The following LRP1B variants were observed in gnomAD, a reference collection of about 807,000 sequenced individuals.
LRP1B encodes LDL receptor related protein 1B, also known as low-density lipoprotein receptor-related protein 1B.
Under a neutral mutation model 556.6 loss-of-function variants are expected in LRP1B, and 217 were observed. The observed-to-expected ratio is 0.39, with a 90% CI of 0.35 to 0.44. LRP1B has a LOEUF of 0.44. Among genes scored for constraint, LRP1B ranks in the 20% least tolerant of loss-of-function variants. LRP1B has a pLI of 1.00. For missense variants in LRP1B, 5,053 were observed against 5,620.8 expected (o/e 0.90, Z 3.23); for synonymous variants, 2,047 against 1,865.8 (o/e 1.10, Z -2.50).
At chr2:141,217,589 C>A (rs1028192051) in intron 6 of LRP1B, among the ~76,000 whole-genome samples, 2 of 152,068 alleles carry the variant, frequency 1.3e-5, no homozygotes, top group African/African-American at 4.8e-5. Context: ...AAAATTAACT[C>A]AAGATGGATT....
At chr2:140,690,975 A>C (rs1441211059) in intron 41 of LRP1B, among the ~76,000 whole-genome samples, 1 of 152,124 alleles carries the variant, frequency 6.6e-6, no homozygotes, top group Non-Finnish European at 1.5e-5. Flanking sequence ...GAAAAGCTAA[A>C]ATTTTTACAT....
At chr2:141,862,946 T>C (rs1042944803) in intron 1 of LRP1B, among the ~76,000 whole-genome samples, 2 of 152,168 alleles carry the variant, frequency 1.3e-5, no homozygotes, top group African/African-American at 4.8e-5. Flanking sequence ...ATAAGCTCTA[T>C]CTAATAGATG....
intron 3 of LRP1B, among the ~76,000 whole-genome samples, chr2:141,451,533 T>C (rs773433426): frequency 6.6e-5 from 10 of 152,186 alleles, no homozygotes; most frequent in South Asian, 6.2e-4. Context: ...GGATAATTCA[T>C]TGAAGAACAA....
intron 3 of LRP1B, among the ~76,000 whole-genome samples, chr2:141,460,809 TA>T (rs1559082162): frequency 6.6e-6 from 1 of 152,152 alleles, no homozygotes; most frequent in Non-Finnish European, 1.5e-5. Context: ...TGAATTTTTT[TA>T]AAGTCAGGGA....
intron 75 of LRP1B, among the ~76,000 whole-genome samples, chr2:140,353,290 A>C (rs939391476): frequency 1.5e-4 from 23 of 152,108 alleles, no homozygotes; most frequent in Non-Finnish European, 2.5e-4. Context: ...TGCTTTTATT[A>C]ATCCACTTAA....
chr2:141,475,014 T>G (rs1682644116), intron 3 of LRP1B, among the ~76,000 whole-genome samples: 1 of 152,226 alleles, frequency 6.6e-6, no homozygotes. Flanking sequence ...ACTTTCTATA[T>G]TCTTTTAACA....
chr2:141,674,385 A>G (rs879725085), intron 2 of LRP1B, among the ~76,000 whole-genome samples: 1 of 152,098 alleles, frequency 6.6e-6, no homozygotes, highest in Non-Finnish European at 1.5e-5. Context: ...AGTCACACAG[A>G]GCAACGTTTT....
intron 58 of LRP1B, 63 bp from the exon 59 acceptor site, chr2:140,485,587 C>T (rs1170818644): frequency 6.6e-6 from 8 of 1,205,070 alleles, no homozygotes; most frequent in Non-Finnish European, 9.3e-6. Flanking sequence ...TGAGCAATTG[C>T]TTCTTGATTT....
intron 35 of LRP1B, among the ~76,000 whole-genome samples, chr2:140,766,888 T>G (rs2104929222): frequency 6.9e-6 from 1 of 144,402 alleles, no homozygotes; most frequent in African/African-American, 2.6e-5. Flanking sequence ...ATATGATAAT[T>G]TCTACAATAT....
In LRP1B at chr2:142,031,330, A is replaced by ATTTTTTTTTTTTTTTTTTTTT. The variant is rs560363480; in HGVS notation, c.82+99317_82+99318insAAAAAAAAAAAAAAAAAAAAA. On this transcript the variant is annotated intron_variant, in intron 1 of 90. Transcript: ENST00000389484. Reference sequence around the variant, plus strand: ...ATTTAGAGAAAGGTTGATTATACTTATTTTTTTTTTTTTTTTTTATTATAC... The same window carrying ATTTTTTTTTTTTTTTTTTTTT: ...ATTTAGAGAAAGGTTGATTATACTTATTTTTTTTTTTTTTTTTTTTTTTTTTTTTTTTTTTTTTTATTATAC... Among the ~76,000 whole-genome samples, 15 of 117,038 alleles carry ATTTTTTTTTTTTTTTTTTTTT rather than the reference A, an allele frequency of 1.3e-4. 1 individual carries two copies. The highest frequency in any genetic ancestry group is 2.9e-4 in the African/African-American group (10 of 33,944). The allele number at this position is 117,038 out of a possible 152,430, so 76.8% of individuals were successfully genotyped here.
intron 11 of LRP1B, among the ~76,000 whole-genome samples, chr2:141,041,730 A>T (rs1411464473): frequency 6.6e-6 from 1 of 152,126 alleles, no homozygotes; most frequent in Non-Finnish European, 1.5e-5. Context: ...TACAAAGAAG[A>T]TTCTGAATGG....
chr2:141,738,725 A>T (rs989396389), intron 2 of LRP1B, among the ~76,000 whole-genome samples: 8 of 152,174 alleles, frequency 5.3e-5, no homozygotes, highest in African/African-American at 1.9e-4. Flanking sequence ...TTGTCGCTTG[A>T]TAAGCAGTCT....
intron 2 of LRP1B, among the ~76,000 whole-genome samples, chr2:141,693,361 G>A (rs538266796): frequency 3.9e-5 from 6 of 151,932 alleles, no homozygotes; most frequent in South Asian, 4.2e-4. Context: ...GGGCATCTCC[G>A]GGAGTAAGAT....
chr2:141,893,924 T>TTTTTC (rs1214628954), intron 1 of LRP1B, among the ~76,000 whole-genome samples: 4 of 152,128 alleles, frequency 2.6e-5, no homozygotes, highest in African/African-American at 9.7e-5. Context: ...TCTTTTTTCT[T>TTTTTC]TTTTCTTTTC....
intron 84 of LRP1B, among the ~76,000 whole-genome samples, chr2:140,276,402 G>C (rs548593911): frequency 3.3e-5 from 5 of 151,926 alleles, no homozygotes; most frequent in African/African-American, 7.2e-5. Context: ...AAGACATATA[G>C]CACTTTCAAA....
At chr2:140,843,520 TCTCA>T (rs1409943611) in intron 29 of LRP1B, among the ~76,000 whole-genome samples, 1 of 152,120 alleles carries the variant, frequency 6.6e-6, no homozygotes, top group African/African-American at 2.4e-5. Context: ...CAGTCTTATT[TCTCA>T]CTATTTTTAA....
chr2:141,151,881 T>C (rs918719174), intron 7 of LRP1B, among the ~76,000 whole-genome samples: 1 of 152,100 alleles, frequency 6.6e-6, no homozygotes, highest in African/African-American at 2.4e-5. Context: ...AAAAATCATT[T>C]TGGCTGTTTG....
intron 11 of LRP1B, among the ~76,000 whole-genome samples, chr2:141,046,239 A>T (rs1266124253): frequency 6.6e-6 from 1 of 152,150 alleles, no homozygotes; most frequent in African/African-American, 2.4e-5. Context: ...TAAATTTATC[A>T]ATGTCTCAGA....
intron 35 of LRP1B, among the ~76,000 whole-genome samples, chr2:140,726,550 C>T (rs1687601160): frequency 6.6e-6 from 1 of 152,086 alleles, no homozygotes; most frequent in African/African-American, 2.4e-5. Context: ...GACAAAGCTT[C>T]CTCCTTCCAA....
Sources: allele counts gnomAD v4.1 joint callset (sites outside exome capture counted in the v4.1 genomes callset), GRCh38; gene constraint gnomAD v4.1.1; transcripts MANE v1.5; gene names NCBI Gene and HGNC (gene_info 2026-07-23, HGNC 2026-07-21).